The following UBR3 variants were observed in gnomAD, a reference collection of about 807,000 sequenced individuals.
UBR3 encodes the protein ubiquitin protein ligase E3 component n-recognin 3.
In UBR3, 85 loss-of-function variants were observed where a neutral mutation model predicts 243.2. The ratio of observed to expected loss-of-function variants is 0.35; its 90% confidence interval spans 0.29 to 0.42. The LOEUF is 0.42. Among genes scored for constraint, UBR3 ranks in the 10% least tolerant of loss-of-function variants. UBR3 has a pLI of 1.00. For synonymous variants in UBR3, 748 were observed against 799.8 expected (o/e 0.94, Z 1.09); for missense variants, 1,686 against 2,300.8 (o/e 0.73, Z 5.47).
intron 1 of UBR3, among the ~76,000 whole-genome samples, chr2:169,834,946 A>G (rs1463973719): frequency 2.6e-5 from 4 of 152,212 alleles, no homozygotes; most frequent in African/African-American, 9.6e-5. Context: ...GCTTCGGTCT[A>G]TATGAAGTGC....
At chr2:170,006,860 A>T in intron 27 of UBR3, 130 bp from the exon 28 acceptor site, 1 of 764,518 alleles carries the variant, frequency 1.3e-6, no homozygotes, top group Non-Finnish European at 2.1e-6. Flanking sequence ...GATTTTGTTT[A>T]TTTCTTTATG....
intron 33 of UBR3, among the ~76,000 whole-genome samples, chr2:170,059,313 G>T (rs191153761): frequency 3.6e-4 from 55 of 152,238 alleles, no homozygotes; most frequent in Non-Finnish European, 6.6e-4. Context: ...TTACTTAGCT[G>T]ATCTGAACAG....
At chr2:170,022,263 TA>T (rs61285932) in intron 30 of UBR3, among the ~76,000 whole-genome samples, 16,171 of 152,156 alleles carry the variant, frequency 0.11, 1,147 homozygotes, top group African/African-American at 0.2. Flanking sequence ...ATACTTGGGT[TA>T]ACCAGAGAAT....
At chr2:169,898,229 C>T (rs1293656851) in intron 8 of UBR3, among the ~76,000 whole-genome samples, 1 of 152,202 alleles carries the variant, frequency 6.6e-6, no homozygotes, top group Non-Finnish European at 1.5e-5. Flanking sequence ...ACTCTTGCCT[C>T]TTTGTGCATA....
intron 26 of UBR3, among the ~76,000 whole-genome samples, chr2:169,997,455 G>A (rs1002083808): frequency 2.0e-5 from 3 of 152,064 alleles, no homozygotes; most frequent in Non-Finnish European, 2.9e-5. Flanking sequence ...CCAAGGGGGT[G>A]TCACAGCTTC....
chr2:169,921,215 T>C (rs957893927), intron 11 of UBR3, among the ~76,000 whole-genome samples: 1 of 152,160 alleles, frequency 6.6e-6, no homozygotes, highest in Non-Finnish European at 1.5e-5. Context: ...ACACGCTGTA[T>C]TTGTGGTCCT....
At chr2:169,949,115 C>T (rs2086905684) in intron 22 of UBR3, among the ~76,000 whole-genome samples, 1 of 151,846 alleles carries the variant, frequency 6.6e-6, no homozygotes. Flanking sequence ...AATTTTCAAA[C>T]TTTAAAGTTC....
chr2:169,868,383 C>T (rs2083327460), intron 1 of UBR3, among the ~76,000 whole-genome samples: 1 of 152,176 alleles, frequency 6.6e-6, no homozygotes, highest in Non-Finnish European at 1.5e-5. Flanking sequence ...ATTCTGTCAT[C>T]CAGGCTGGAG....
At chr2:169,963,982 T>C (rs2087697220) in intron 24 of UBR3, among the ~76,000 whole-genome samples, 1 of 152,202 alleles carries the variant, frequency 6.6e-6, no homozygotes, top group African/African-American at 2.4e-5. Flanking sequence ...TGCCTTAGGA[T>C]TGAGAATCTT....
intron 24 of UBR3, among the ~76,000 whole-genome samples, chr2:169,967,449 A>G (rs1429293449): frequency 6.6e-6 from 1 of 152,122 alleles, no homozygotes; most frequent in Non-Finnish European, 1.5e-5. Context: ...AAAACACTCC[A>G]TTTCCAATAG....
At chr2:169,960,017 G>A (rs2126347) in intron 24 of UBR3, among the ~76,000 whole-genome samples, 5 of 152,004 alleles carry the variant, frequency 3.3e-5, no homozygotes, top group African/African-American at 7.2e-5. Flanking sequence ...TTGGGAGGCC[G>A]AGGTGGGTGG....
chr2:169,998,342 C>CT (rs1328861261), intron 26 of UBR3, among the ~76,000 whole-genome samples: 1 of 152,036 alleles, frequency 6.6e-6, no homozygotes, highest in Admixed American at 6.6e-5. Context: ...GAAAAAAAAT[C>CT]TTTTTTATAA....
chr2:170,051,624 C>T (rs771463954), intron 32 of UBR3, among the ~76,000 whole-genome samples: 3 of 152,088 alleles, frequency 2.0e-5, no homozygotes, highest in Non-Finnish European at 4.4e-5. Flanking sequence ...GGATTACAGG[C>T]GTGAGCCACC....
intron 5 of UBR3, among the ~76,000 whole-genome samples, chr2:169,881,474 C>T (rs2083823223): frequency 2.0e-5 from 3 of 151,806 alleles, no homozygotes; most frequent in African/African-American, 2.4e-5. Flanking sequence ...CCACCGTGCC[C>T]AGCCCCAGAA....
At chr2:169,981,095 G>A (rs1267508737) in intron 24 of UBR3, among the ~76,000 whole-genome samples, 1 of 151,994 alleles carries the variant, frequency 6.6e-6, no homozygotes, top group African/African-American at 2.4e-5. Flanking sequence ...ATATCAATGA[G>A]TATATACTAG....
intron 1 of UBR3, among the ~76,000 whole-genome samples, chr2:169,847,985 A>G (rs369804968): frequency 3.3e-5 from 5 of 152,198 alleles, no homozygotes; most frequent in African/African-American, 9.7e-5. Flanking sequence ...CCTATAAGCT[A>G]TAGCAGCATT....
intron 36 of UBR3, chr2:170,077,963 C>T: frequency 1.7e-6 from 1 of 586,338 alleles, no homozygotes; most frequent in South Asian, 1.6e-5. Context: ...CATTTTCCTG[C>T]TTTCTCTTTT....
chr2:169,953,427 T>C (rs1245132159), intron 23 of UBR3, among the ~76,000 whole-genome samples: 2 of 152,172 alleles, frequency 1.3e-5, no homozygotes, highest in African/African-American at 2.4e-5. Context: ...ATAGATTAAC[T>C]TAATAGAAAA....
chr2:169,830,295 C>G (rs1222979087), intron 1 of UBR3, among the ~76,000 whole-genome samples: 1 of 152,066 alleles, frequency 6.6e-6, no homozygotes, highest in Admixed American at 6.6e-5. Context: ...TCCAAATTGC[C>G]CTCCCTAAGG....
Sources: gnomAD v4.1 joint callset for allele counts (sites outside exome capture counted in the v4.1 genomes callset) on GRCh38, gnomAD v4.1.1 for gene constraint, MANE v1.5 for transcripts, NCBI Gene and HGNC (gene_info 2026-07-23, HGNC 2026-07-21) for gene names.